Variants in PCDH15 observed in about 807,000 individuals in gnomAD.
PCDH15 encodes protocadherin related 15.
PCDH15 carries 129 observed loss-of-function variants against 178.5 expected under a neutral mutation model. That is an observed-to-expected ratio of 0.72 (90% CI 0.63 to 0.84). PCDH15 has a LOEUF of 0.84. PCDH15 is among the 40% of genes least tolerant of loss of function. The pLI is 0.00. For synonymous variants in PCDH15, 800 were observed against 732.0 expected, an observed-to-expected ratio of 1.09 and a Z score of -1.50; for missense variants, 2,230 against 2,099.9, an observed-to-expected ratio of 1.06 and a Z score of -1.21.
At chr10:54,167,175 C>T (rs1356012485) in intron 13 of PCDH15, among the ~76,000 whole-genome samples, 1 of 152,142 alleles carries the variant, frequency 6.6e-6, no homozygotes, top group Non-Finnish European at 1.5e-5. Flanking sequence ...GGAGATCAAT[C>T]CCCTGTCCTC....
chr10:55,593,178 C>T (rs771719377), intron 2 of PCDH15, among the ~76,000 whole-genome samples: 8 of 151,724 alleles, frequency 5.3e-5, no homozygotes, highest in Non-Finnish European at 7.4e-5. Context: ...GTTCAAAATA[C>T]GTATAAAAGA....
chr10:55,164,996 C>T (rs910094085), intron 2 of PCDH15, among the ~76,000 whole-genome samples: 1 of 151,980 alleles, frequency 6.6e-6, no homozygotes, highest in African/African-American at 2.4e-5. Flanking sequence ...CGTCATCTAT[C>T]CATTTGTGCA....
At chr10:54,036,491 A>G (rs1487861026) in intron 18 of PCDH15, among the ~76,000 whole-genome samples, 28 of 29,960 alleles carry the variant, frequency 9.3e-4, no homozygotes, top group Non-Finnish European at 5.7e-3. Context: ...AACAATGCCT[A>G]ATAAAAGCAT....
At chr10:54,045,661 GA>G (rs1340870175) in intron 18 of PCDH15, among the ~76,000 whole-genome samples, 1 of 141,574 alleles carries the variant, frequency 7.1e-6, no homozygotes, top group Non-Finnish European at 1.6e-5. Context: ...TTATATAGAA[GA>G]AAACAAATTA....
chr10:53,874,627 C>T (rs2080095808), intron 26 of PCDH15, among the ~76,000 whole-genome samples: 2 of 151,992 alleles, frequency 1.3e-5, no homozygotes, highest in African/African-American at 4.8e-5. Context: ...TTTCAAAAAC[C>T]CCTCCTGCAA....
At chr10:54,220,868 A>ATAAATAAATAAATAAATAAG (rs879938253) in intron 9 of PCDH15, among the ~76,000 whole-genome samples, 1 of 143,206 alleles carries the variant, frequency 7.0e-6, no homozygotes, top group African/African-American at 2.7e-5. Flanking sequence ...AAATAAATAA[A>ATAAATAAATAAATAAATAAG]TAAGTAAAAT....
chr10:54,793,395 AAGG>A (rs1282798551), intron 1 of PCDH15, among the ~76,000 whole-genome samples: 1 of 151,804 alleles, frequency 6.6e-6, no homozygotes, highest in East Asian at 1.9e-4. Flanking sequence ...AAACTGCTGA[AAGG>A]AGGACTGCCA....
At chr10:54,375,493 T>C (rs1357135469) in intron 4 of PCDH15, among the ~76,000 whole-genome samples, 1 of 152,026 alleles carries the variant, frequency 6.6e-6, no homozygotes, top group Non-Finnish European at 1.5e-5. Context: ...ATTGGTATTG[T>C]TAATATTCTC....
intron 2 of PCDH15, among the ~76,000 whole-genome samples, chr10:55,018,592 T>C (rs1840244675): frequency 6.6e-6 from 1 of 152,120 alleles, no homozygotes; most frequent in South Asian, 2.1e-4. Context: ...TGCAATAGTC[T>C]ATGAATAAGG....
At chr10:55,128,720 T>C (rs930502819) in intron 2 of PCDH15, among the ~76,000 whole-genome samples, 1 of 151,966 alleles carries the variant, frequency 6.6e-6, no homozygotes, top group African/African-American at 2.4e-5. Flanking sequence ...ATGCTATGGG[T>C]AGCCATTCAC....
At chr10:53,836,551 C>T (rs1564574941) in intron 29 of PCDH15, among the ~76,000 whole-genome samples, 1 of 152,136 alleles carries the variant, frequency 6.6e-6, no homozygotes, top group Non-Finnish European at 1.5e-5. Context: ...GACACCATTC[C>T]ACCAATAAAA....
At chr10:55,505,894 C>T (rs931748081) in intron 2 of PCDH15, among the ~76,000 whole-genome samples, 4 of 151,294 alleles carry the variant, frequency 2.6e-5, no homozygotes, top group Non-Finnish European at 5.9e-5. Flanking sequence ...CTCCAGGTGG[C>T]TTTTAACTAA....
At chr10:53,849,124 T>TTTAG (rs2078174004) in intron 28 of PCDH15, among the ~76,000 whole-genome samples, 1 of 152,090 alleles carries the variant, frequency 6.6e-6, no homozygotes, top group African/African-American at 2.4e-5. Context: ...GTTTGAATAC[T>TTTAG]AAAAAAGTAA....
At chr10:54,307,625 G>C (rs1379899100) in intron 8 of PCDH15, among the ~76,000 whole-genome samples, 1 of 151,832 alleles carries the variant, frequency 6.6e-6, no homozygotes, top group African/African-American at 2.4e-5. Flanking sequence ...CCTCCCCAAA[G>C]TCATAATATA....
chr10:54,464,195 T>C (rs1311535622), intron 3 of PCDH15, among the ~76,000 whole-genome samples: 1 of 152,150 alleles, frequency 6.6e-6, no homozygotes, highest in Non-Finnish European at 1.5e-5. Context: ...CTCAGCGTGG[T>C]TGAAATTTAG....
rs1340618076 is a variant in PCDH15 at position 54,160,163 on chromosome 10, C to A, written c.1591-6870G>T. On this transcript the variant is annotated intron_variant, in intron 13 of 37. Coordinates refer to ENST00000644397, the MANE Select transcript of PCDH15 (RefSeq NM_001384140.1). ...GCATAGATGTCCTGGAGATGCTGGACAAAAGGATGATTCATGCCCCCCCCA... is the reference window on the plus strand; with the variant it reads ...GCATAGATGTCCTGGAGATGCTGGAAAAAAGGATGATTCATGCCCCCCCCA... 6.6e-5 allele frequency among the ~76,000 whole-genome samples: 10 copies of A among 151,976 alleles called. No homozygotes were observed. The East Asian group carries it at 1.9e-3, about 29-fold the overall frequency.
chr10:53,975,700 C>T (rs1255246549), intron 21 of PCDH15, among the ~76,000 whole-genome samples: 2 of 151,962 alleles, frequency 1.3e-5, no homozygotes, highest in East Asian at 1.9e-4. Flanking sequence ...TTCATAAACA[C>T]TTTCTCTTAT....
Position 54,678,975 on chromosome 10 carries a change from G to A in PCDH15, c.-28-14685C>T, listed in dbSNP as rs189492084. Among the ~76,000 whole-genome samples the A allele has an allele frequency of 1.2e-3, 178 of 152,046 alleles. 2 individuals are homozygous for A. In the East Asian group the frequency reaches 0.031, roughly 27 times the overall value. On this transcript the variant is annotated intron_variant, in intron 1 of 37. Transcript: ENST00000644397. Reference sequence around the variant, plus strand: ...GGAGGCCGAGGCGGGCGGATCACGAGGTCAGGAGATCGAGACCATCTTGGC... The same window carrying A: ...GGAGGCCGAGGCGGGCGGATCACGAAGTCAGGAGATCGAGACCATCTTGGC...
chr10:53,811,511 A>G (rs533498131), intron 36 of PCDH15, 38 bp downstream of exon 36: 1 of 1,205,860 alleles, frequency 8.3e-7, no homozygotes, highest in Admixed American at 2.8e-5. Flanking sequence ...ATAAAATATT[A>G]AAATAAGAAT....
Sources: allele counts gnomAD v4.1 joint callset (sites outside exome capture counted in the v4.1 genomes callset), GRCh38; gene constraint gnomAD v4.1.1; transcripts MANE v1.5; gene names NCBI Gene and HGNC (gene_info 2026-07-23, HGNC 2026-07-21).